NLRP3: variants seen among roughly 807,000 people sequenced by gnomAD.
NLRP3 encodes NACHT, LRR and PYD domains-containing protein 3.
A neutral mutation model predicts 91.3 loss-of-function variants in NLRP3; 48 were observed. That is an observed-to-expected ratio of 0.53 (90% CI 0.42 to 0.67). The LOEUF (loss-of-function observed/expected upper bound fraction) is 0.67. Among genes scored for constraint, NLRP3 ranks in the 30% least tolerant of loss-of-function variants. The pLI, the probability that NLRP3 is intolerant of heterozygous loss-of-function variation, is 0.00. For synonymous variants in NLRP3, 561 were observed against 507.9 expected (o/e 1.10, Z -1.41); for missense variants, 982 against 1,276.9 (o/e 0.77, Z 3.52).
At chr1:247,423,523 C>A (rs1406138865) in intron 3 of NLRP3, among the ~76,000 whole-genome samples, 174 bp downstream of exon 3, 3 of 152,078 alleles carry the variant, frequency 2.0e-5, no homozygotes, top group Non-Finnish European at 4.4e-5. Flanking sequence ...GTTTGTGTGG[C>A]TCTTGCAGTC....
At chr1:247,445,885 G>A (rs1664555434) in intron 9 of NLRP3, among the ~76,000 whole-genome samples, 1 of 151,960 alleles carries the variant, frequency 6.6e-6, no homozygotes. Flanking sequence ...TAAATTATCT[G>A]GTCTTCTGGC....
intron 2 of NLRP3, among the ~76,000 whole-genome samples, chr1:247,420,193 G>T (rs1035358607): frequency 1.3e-5 from 2 of 152,092 alleles, no homozygotes; most frequent in African/African-American, 2.4e-5. Context: ...TTCACTGCTT[G>T]TTGGCCATTT....
intron 5 of NLRP3, among the ~76,000 whole-genome samples, chr1:247,430,055 T>C (rs532044620): frequency 6.6e-6 from 1 of 152,116 alleles, no homozygotes; most frequent in African/African-American, 2.4e-5. Context: ...TTTGTATTTT[T>C]AGTAGAGATG....
intron 5 of NLRP3, among the ~76,000 whole-genome samples, chr1:247,433,762 T>C (rs183544897): frequency 2.8e-4 from 38 of 134,536 alleles, no homozygotes; most frequent in African/African-American, 1.0e-3. Flanking sequence ...CGGAGCTCTC[T>C]GGTCAGGTGT....
intron 7 of NLRP3, among the ~76,000 whole-genome samples, chr1:247,436,903 A>G (rs979445476): frequency 3.3e-5 from 5 of 152,232 alleles, no homozygotes; most frequent in Non-Finnish European, 7.3e-5. Flanking sequence ...ATGTTCTTAC[A>G]TGGATTTTCT....
intron 4 of NLRP3, among the ~76,000 whole-genome samples, chr1:247,426,883 G>T (rs1469281178): frequency 6.6e-6 from 1 of 152,196 alleles, no homozygotes; most frequent in African/African-American, 2.4e-5. Flanking sequence ...GGGCAGCCAG[G>T]CTGGGGGCTT....
In NLRP3 at chr1:247,424,325, C is replaced by G. The variant is rs1228188328; in HGVS notation, c.876C>G (p.Pro292=). 6.2e-7 allele frequency: 1 copy of G among 1,614,014 alleles called. No individual in the cohort carries two copies. Among genetic ancestry groups the G allele is most frequent in the Non-Finnish European group, 8.5e-7 (1 of 1,180,024 alleles). The change falls in exon 4 of 10, where the codon CCC becomes CCG. Residue 292 remains proline (P), a synonymous_variant. Coordinates refer to ENST00000336119, the MANE Select transcript of NLRP3 (RefSeq NM_001243133.2). This position sits in a 1 kb window ranked among gnomAD's most constrained non-coding sequence, Gnocchi z 8.1. ...CCATCCACAAGATCGTGAGAAAACC[C>G]TCCAGAATCCTCTTCCTCATGGACG... is the stretch of plus-strand genomic sequence containing the variant. The part of the protein sequence containing the change: ...NPPIHKIVRK[P]SRILFLMDGF...
At position 247,425,175 on chromosome 1, in the gene NLRP3, C is replaced by T. The variant is rs1662778131; in HGVS notation, c.1726C>T (p.Arg576Cys). Residue 576 changes from arginine (R) to cysteine (C), a missense_variant, in exon 4 of 10, where the codon CGT becomes TGT. Coordinates refer to ENST00000336119, the MANE Select transcript of NLRP3 (RefSeq NM_001243133.2). This position sits in a 1 kb window ranked among gnomAD's most constrained non-coding sequence, Gnocchi z 4.1. ...AAAGGGGTATTTGATTTTTGTTGTA[C>T]GTTTCCTCTTTGGCCTGGTAAACCA... Reference protein sequence around the residue: ...FEKGYLIFVVRFLFGLVNQER... With the variant: ...FEKGYLIFVVCFLFGLVNQER... 3.1e-6 allele frequency: 5 copies of T among 1,613,862 alleles called. No individual in the cohort carries two copies. The highest frequency in any genetic ancestry group is 4.2e-6 in the Non-Finnish European group (5 of 1,179,914).
Position 247,424,971 on chromosome 1 carries a change from A to G in NLRP3, c.1522A>G (p.Lys508Glu), listed in dbSNP as rs1314931946. Residue 508 changes from lysine (K) to glutamate (E), a missense_variant, in exon 4 of 10, where the codon AAG (lysine) becomes GAG (glutamate). Transcript: ENST00000336119. The surrounding 1 kb of genome is among the most constrained non-coding windows in gnomAD (Gnocchi z 8.1). Reference sequence around the variant, plus strand: ...TTTCCTGAGGATGAACCTGTTCCAAAAGGAAGTGGACTGCGAGAAGTTCTA... The same window carrying G: ...TTTCCTGAGGATGAACCTGTTCCAAGAGGAAGTGGACTGCGAGAAGTTCTA... Reference protein sequence around the residue: ...SAFLRMNLFQKEVDCEKFYSF... With the variant: ...SAFLRMNLFQEEVDCEKFYSF... 2 of 1,614,030 alleles carry G rather than the reference A, an allele frequency of 1.2e-6. No homozygotes were observed. Among genetic ancestry groups the G allele is most frequent in the Non-Finnish European group, 1.7e-6 (2 of 1,180,042 alleles).
chr1:247,418,781 G>C lies in NLRP3; in HGVS notation c.-20G>C. 1 of 1,613,214 alleles carries C rather than the reference G, an allele frequency of 6.2e-7. No individual in the cohort carries two copies. The highest frequency in any genetic ancestry group is 8.5e-7 in the Non-Finnish European group (1 of 1,180,014). ...GTGTGGACCGAAGCCTAAGGACCCT[G>C]AAAACAGCTGCAGATGAAGATGGCA... On this transcript the variant is annotated 5_prime_UTR_variant, in exon 2 of 10. Coordinates refer to ENST00000336119, the MANE Select transcript of NLRP3 (RefSeq NM_001243133.2).
intron 2 of NLRP3, among the ~76,000 whole-genome samples, chr1:247,421,503 A>G (rs1662458540): frequency 6.6e-6 from 1 of 152,210 alleles, no homozygotes; most frequent in African/African-American, 2.4e-5. Context: ...ATACTCACAT[A>G]CCCAAATGAA....
In NLRP3 at chr1:247,425,896, T is replaced by G. The variant is rs1054029592; in HGVS notation, c.2150+297T>G. On this transcript the variant is annotated intron_variant, in intron 4 of 9. Transcript: ENST00000336119. This position sits in a 1 kb window ranked among gnomAD's most constrained non-coding sequence, Gnocchi z 4.1. ...CCTACAAATATTTGTCAACTGAAAT[T>G]TCTTGTAAGCTACTTGGAGCACTAG... 4.8e-6 allele frequency: 2 copies of G among 418,064 alleles called. No individual in the cohort carries two copies. The highest frequency in any genetic ancestry group is 4.1e-5 in the African/African-American group (2 of 49,308). 25.9% of individuals were successfully genotyped at this position (418,064 alleles called of 1,614,324 possible). A position where few individuals can be genotyped will look rare whatever the true frequency, so the allele number is the denominator to read the frequency against.
chr1:247,428,166 G>A (rs1033070644), intron 4 of NLRP3, among the ~76,000 whole-genome samples: 2 of 149,062 alleles, frequency 1.3e-5, no homozygotes, highest in African/African-American at 2.6e-5. Context: ...CCTCTAGATG[G>A]CACCTGCCTT....
chr1:247,442,023 A>G (rs532797182), intron 7 of NLRP3, among the ~76,000 whole-genome samples: 1 of 152,320 alleles, frequency 6.6e-6, no homozygotes, highest in Non-Finnish European at 1.5e-5. Flanking sequence ...AATGCTACTA[A>G]TCCCTTCTGC....
rs140870086 is a variant in NLRP3, at chr1:247,436,219, A to T, written c.2663+79A>T. ...TATTTGGAAAATGTGGATGGGGGTT[A>T]CTTTGGTCAGGCAGAGCTGAAGGTA... On this transcript the variant is annotated intron_variant, in intron 7 of 9. Transcript: ENST00000336119. The T allele has an allele frequency of 1.5e-4, 219 of 1,449,560 alleles. 2 individuals are homozygous for T. The East Asian group carries it at 2.6e-3, about 17-fold the overall frequency. The allele number at this position is 1,449,560 out of a possible 1,614,324, so 89.8% of individuals were successfully genotyped here. A position where few individuals can be genotyped will look rare whatever the true frequency, so the allele number is the denominator to read the frequency against.
rs1400369050 is a variant in NLRP3, at chr1:247,418,723, A to G, written c.-78A>G. 1 of 1,556,406 alleles carries G rather than the reference A, an allele frequency of 6.4e-7. No individual in the cohort carries two copies. The highest frequency in any genetic ancestry group is 1.4e-5 in the African/African-American group (1 of 73,938). On this transcript the variant is annotated 5_prime_UTR_variant, in exon 2 of 10. Transcript: ENST00000336119. ...AAAGTGGAGACTTTAAAAAAGACTC[A>G]TCCGTGTGCCGTGTTCACTGCCTGG...
chr1:247,433,909 T>C (rs112695411), intron 5 of NLRP3, among the ~76,000 whole-genome samples, 194 bp from the exon 6 acceptor site: 929 of 20,378 alleles, frequency 0.046, no homozygotes, highest in African/African-American at 0.088. Flanking sequence ...GTTCTGATGC[T>C]TTCTCTATTC....
chr1:247,434,309 A>T (rs759755172), intron 6 of NLRP3, 36 bp downstream of exon 6: 2 of 1,612,874 alleles, frequency 1.2e-6, no homozygotes, highest in Non-Finnish European at 8.5e-7. Context: ...AAGTTCTGCC[A>T]GCGAGGCGTG....
chr1:247,420,640 A>T (rs1662388406), intron 2 of NLRP3, among the ~76,000 whole-genome samples: 1 of 152,228 alleles, frequency 6.6e-6, no homozygotes, highest in African/African-American at 2.4e-5. Context: ...TTGCTTGAAC[A>T]TGGGGAGTGG....
Sources: gnomAD v4.1 joint callset for allele counts (sites outside exome capture counted in the v4.1 genomes callset) on GRCh38, gnomAD v4.1.1 for gene constraint, Gnocchi (gnomAD v3.1) non-coding constraint, MANE v1.5 for transcripts, NCBI Gene and HGNC (gene_info 2026-07-23, HGNC 2026-07-21) for gene names.